UBE2Z: variants seen among roughly 807,000 people sequenced by gnomAD.
UBE2Z encodes the protein ubiquitin conjugating enzyme E2 Z.
UBE2Z carries 10 observed loss-of-function variants against 32.6 expected under a neutral mutation model. The observed-to-expected ratio is 0.31, with a 90% CI of 0.19 to 0.52. The LOEUF (loss-of-function observed/expected upper bound fraction) is 0.52. Ranked by LOEUF, UBE2Z falls within the 20% of genes least tolerant of loss-of-function variation. UBE2Z has a pLI of 0.97. For synonymous variants in UBE2Z, 183 were observed against 190.8 expected (o/e 0.96, Z 0.34); for missense variants, 343 against 480.9 (o/e 0.71, Z 2.68).
At position 48,908,407 on chromosome 17, in the gene UBE2Z, A is replaced by G; in HGVS notation, c.-97A>G. 2 of 1,080,980 alleles carry G rather than the reference A, an allele frequency of 1.9e-6. No individual in the cohort carries two copies. The highest frequency in any genetic ancestry group is 3.4e-5 in the East Asian group (1 of 29,712). 67.0% of individuals were successfully genotyped at this position (1,080,980 alleles called of 1,614,324 possible). ...CTGTGGAAGCGGAGGGGGTGGGGAC[A>G]CTCTGGCCCGGTTCTCGGTGGTGCG... is the stretch of plus-strand genomic sequence containing the variant. On this transcript the variant is annotated 5_prime_UTR_variant, in exon 1 of 7. Transcript: ENST00000360943.
intron 4 of UBE2Z, 60 bp from the exon 5 acceptor site, chr17:48,921,100 T>C: frequency 7.1e-7 from 1 of 1,403,768 alleles, no homozygotes; most frequent in Non-Finnish European, 9.9e-7. Flanking sequence ...TTGAAGTCCC[T>C]TCCCATTGGT....
intron 1 of UBE2Z, chr17:48,910,469 G>A (rs1461022296): frequency 7.5e-6 from 2 of 267,526 alleles, no homozygotes; most frequent in East Asian, 1.5e-4. Flanking sequence ...ATGGAGGTGG[G>A]GAGTGAATGA....
chr17:48,913,893 TTTTTG>T lies in UBE2Z; in HGVS notation c.578+890_578+894del, dbSNP rs1057427961. Among the ~76,000 whole-genome samples the T allele has an allele frequency of 1.7e-4, 26 of 151,740 alleles. No individual in the cohort carries two copies. In the East Asian group the frequency reaches 3.3e-3, roughly 19 times the overall value. On this transcript the variant is annotated intron_variant, in intron 3 of 6. Coordinates refer to ENST00000360943, the MANE Select transcript of UBE2Z (RefSeq NM_023079.5). The stretch of plus-strand genomic sequence containing the variant: ...TTTCATTTTTGTTTTGTTTTGTTTG[TTTTTG>T]TTTTGTTTTGTTTTGTTGGTAGAGG...
At chr17:48,908,900 T>G in intron 1 of UBE2Z, 80 bp downstream of exon 1, 5 of 902,822 alleles carry the variant, frequency 5.5e-6, no homozygotes, top group East Asian at 7.3e-5. Flanking sequence ...CCACTACAAC[T>G]CACCCCCCAC....
intron 6 of UBE2Z, among the ~76,000 whole-genome samples, chr17:48,924,108 C>T (rs1170467833): frequency 2.6e-5 from 4 of 152,192 alleles, no homozygotes; most frequent in African/African-American, 9.7e-5. Context: ...CTACCTCCCT[C>T]GGCCTCCCAA....
intron 4 of UBE2Z, 148 bp from the exon 5 acceptor site, chr17:48,921,012 G>A: frequency 1.6e-6 from 1 of 611,296 alleles, no homozygotes; most frequent in Admixed American, 2.8e-5. Flanking sequence ...AGGTGTGGTT[G>A]CTCTTCATGG....
intron 6 of UBE2Z, among the ~76,000 whole-genome samples, chr17:48,925,294 AAAAAG>A (rs1057492979): frequency 9.9e-5 from 15 of 151,858 alleles, no homozygotes; most frequent in South Asian, 2.1e-4. Flanking sequence ...AAAAAAAAAA[AAAAAG>A]AAAGAAAAAG....
rs946501224 is a variant in UBE2Z at position 48,928,040 on chromosome 17, G to C, written c.*906G>C. 5 of 152,518 alleles carry C rather than the reference G, an allele frequency of 3.3e-5. No individual in the cohort carries two copies. Among genetic ancestry groups the C allele is most frequent in the African/African-American group, 1.2e-4 (5 of 41,424 alleles). The allele number at this position is 152,518 out of a possible 1,614,324, so 9.4% of individuals were successfully genotyped here. On this transcript the variant is annotated 3_prime_UTR_variant, in exon 7 of 7. Transcript: ENST00000360943. ...CACAATAAGGGTATTTTTCTTGGGGGTGGAGTAAGGGGGAGACTGATGCTA... is the reference window on the plus strand; with the variant it reads ...CACAATAAGGGTATTTTTCTTGGGGCTGGAGTAAGGGGGAGACTGATGCTA...
chr17:48,910,609 A>G (rs1040503063), intron 1 of UBE2Z, 199 bp from the exon 2 acceptor site: 5 of 465,570 alleles, frequency 1.1e-5, no homozygotes, highest in Admixed American at 3.3e-5. Context: ...CCCTTTTGAT[A>G]ATAATTTGCT....
At position 48,927,184 on chromosome 17, in the gene UBE2Z, C is replaced by T; in HGVS notation, c.*50C>T. 1 of 1,587,296 alleles carries T rather than the reference C, an allele frequency of 6.3e-7. No individual in the cohort carries two copies. The highest frequency in any genetic ancestry group is 8.6e-7 in the Non-Finnish European group (1 of 1,161,816). The stretch of plus-strand genomic sequence containing the variant: ...CCACTCAAGAGTCCCAGCAGAATCC[C>T]TTCCCCCCACCCCAGGGATGGAGAG... On this transcript the variant is annotated 3_prime_UTR_variant, in exon 7 of 7. Coordinates refer to ENST00000360943, the MANE Select transcript of UBE2Z (RefSeq NM_023079.5).
At chr17:48,919,650 G>A (rs1177628299) in intron 4 of UBE2Z, among the ~76,000 whole-genome samples, 1 of 152,050 alleles carries the variant, frequency 6.6e-6, no homozygotes, top group African/African-American at 2.4e-5. Context: ...GCTAATTTTT[G>A]TATTTTTTAT....
At position 48,908,454 on chromosome 17, in the gene UBE2Z, C is replaced by T. The variant is rs1312289294; in HGVS notation, c.-50C>T. On this transcript the variant is annotated 5_prime_UTR_variant, in exon 1 of 7. Transcript: ENST00000360943. The stretch of plus-strand genomic sequence containing the variant: ...TGCGGGAGCGGGCGGGAGCAGCGGC[C>T]GCTCTGGTCGGCGGACGTGCTGCCG... 5 of 1,222,402 alleles carry T rather than the reference C, an allele frequency of 4.1e-6. No homozygotes were observed. Among genetic ancestry groups the T allele is most frequent in the Non-Finnish European group, 5.1e-6 (5 of 980,696 alleles). 75.7% of individuals were successfully genotyped at this position (1,222,402 alleles called of 1,614,324 possible). A position where few individuals can be genotyped will look rare whatever the true frequency, so the allele number is the denominator to read the frequency against.
intron 1 of UBE2Z, chr17:48,910,582 C>A: frequency 2.2e-6 from 1 of 445,154 alleles, no homozygotes; most frequent in South Asian, 4.6e-5. Flanking sequence ...CCCTCCCCTC[C>A]CCCTGAGGAA....
intron 4 of UBE2Z, among the ~76,000 whole-genome samples, chr17:48,920,370 C>G: frequency 6.6e-6 from 1 of 152,104 alleles, no homozygotes; most frequent in Non-Finnish European, 1.5e-5. Context: ...GTGACAGGCG[C>G]CTGTAATCCC....
chr17:48,923,803 G>A lies in UBE2Z; in HGVS notation c.894+866G>A, dbSNP rs556802374. Among the ~76,000 whole-genome samples the A allele has an allele frequency of 9.9e-5, 15 of 151,402 alleles. No individual in the cohort carries two copies. The East Asian group carries it at 2.7e-3, about 28-fold the overall frequency. On this transcript the variant is annotated intron_variant, in intron 6 of 6. Transcript: ENST00000360943. Reference sequence around the variant, plus strand: ...GCTGGAGTGCAGTAGCTGGGTCACAGCTCACTGCAACTCCAAACTCCCAAG... The same window carrying A: ...GCTGGAGTGCAGTAGCTGGGTCACAACTCACTGCAACTCCAAACTCCCAAG...
At chr17:48,910,066 A>T (rs1050562051) in intron 1 of UBE2Z, among the ~76,000 whole-genome samples, 1 of 151,858 alleles carries the variant, frequency 6.6e-6, no homozygotes, top group East Asian at 1.9e-4. Flanking sequence ...TGCCCTTTTT[A>T]TGTCCCTACC....
Position 48,908,815 on chromosome 17 carries a change from C to T in UBE2Z, c.312C>T (p.Ile104=). 2.0e-6 allele frequency: 3 copies of T among 1,499,238 alleles called. No individual in the cohort carries two copies. The highest frequency in any genetic ancestry group is 2.4e-5 in the South Asian group (2 of 82,418). 92.9% of individuals were successfully genotyped at this position (1,499,238 alleles called of 1,614,324 possible). Residue 104 remains isoleucine, a synonymous_variant, in exon 1 of 7, where the codon ATC becomes ATT. Coordinates refer to ENST00000360943, the MANE Select transcript of UBE2Z (RefSeq NM_023079.5). ...CCGCGCCGCAGTGTCTACTCCGGATCAAGCGGTGAGCCGGGGTTTTTCCTC... is the reference window on the plus strand; with the variant it reads ...CCGCGCCGCAGTGTCTACTCCGGATTAAGCGGTGAGCCGGGGTTTTTCCTC... ...ERTAPQCLLR[I]KRDIMSIYKE...
rs751349199 is a variant in UBE2Z, at chr17:48,928,334, G to T, written c.*1200G>T. ...GCTGCAGTGATCCTTTAGCTGGTTG[G>T]CTCAGAAAAAAAAAAATGTGCTTTA... On this transcript the variant is annotated 3_prime_UTR_variant, in exon 7 of 7. Transcript: ENST00000360943. The T allele has an allele frequency of 4.6e-5, 7 of 151,938 alleles. No homozygotes were observed. The highest frequency in any genetic ancestry group is 1.0e-4 in the Non-Finnish European group (7 of 67,958). 9.4% of individuals were successfully genotyped at this position (151,938 alleles called of 1,614,324 possible). A position where few individuals can be genotyped will look rare whatever the true frequency, so the allele number is the denominator to read the frequency against.
chr17:48,921,025 C>T (rs982944350), intron 4 of UBE2Z, 135 bp from the exon 5 acceptor site: 15 of 648,666 alleles, frequency 2.3e-5, no homozygotes, highest in Non-Finnish European at 3.7e-5. Context: ...CTTCATGGAT[C>T]TGCCATACAG....
Sources: gnomAD v4.1 joint callset for allele counts (sites outside exome capture counted in the v4.1 genomes callset) on GRCh38, gnomAD v4.1.1 for gene constraint, MANE v1.5 for transcripts, NCBI Gene and HGNC (gene_info 2026-07-23, HGNC 2026-07-21) for gene names.